ABCB5: variants seen among roughly 807,000 people sequenced by gnomAD.
ABCB5 encodes ATP binding cassette subfamily B member 5.
A neutral mutation model predicts 144.2 loss-of-function variants in ABCB5; 155 were observed. The ratio of observed to expected loss-of-function variants is 1.08; its 90% CI spans 0.94 to 1.23. The LOEUF is 1.23. Ranked by LOEUF, ABCB5 falls within the 50% of genes most tolerant of loss-of-function variation. ABCB5 has a pLI of 0.00. For synonymous variants in ABCB5, 610 were observed against 528.6 expected (o/e 1.15, Z -2.11); for missense variants, 1,830 against 1,520.8 (o/e 1.20, Z -3.38).
chr7:20,638,550 G>T (rs1304905790), intron 5 of ABCB5, among the ~76,000 whole-genome samples: 1 of 152,122 alleles, frequency 6.6e-6, no homozygotes, highest in South Asian at 2.1e-4. Context: ...CTCCTTATCT[G>T]CTTTTCATCT....
chr7:20,642,101 A>C (rs535072387), intron 5 of ABCB5, among the ~76,000 whole-genome samples: 45 of 152,274 alleles, frequency 3.0e-4, no homozygotes, highest in African/African-American at 9.1e-4. Context: ...CTCCACAGAG[A>C]AGCTGGAGTG....
intron 5 of ABCB5, among the ~76,000 whole-genome samples, chr7:20,639,595 A>G (rs1380923368): frequency 6.6e-6 from 1 of 152,168 alleles, no homozygotes; most frequent in Non-Finnish European, 1.5e-5. Context: ...CCATTTGTTG[A>G]AAAAACAGTC....
At chr7:20,740,067 T>C (rs1190503518) in intron 24 of ABCB5, among the ~76,000 whole-genome samples, 1 of 151,928 alleles carries the variant, frequency 6.6e-6, no homozygotes, top group Non-Finnish European at 1.5e-5. Flanking sequence ...CCGTCTCTAC[T>C]AAAAATAAAA....
At chr7:20,633,659 A>G (rs1441816661) in intron 5 of ABCB5, among the ~76,000 whole-genome samples, 2 of 152,140 alleles carry the variant, frequency 1.3e-5, no homozygotes, top group Non-Finnish European at 2.9e-5. Context: ...ATCATGTAAT[A>G]TATTATTGTT....
At chr7:20,641,330 A>T (rs1441973665) in intron 5 of ABCB5, among the ~76,000 whole-genome samples, 1 of 136,356 alleles carries the variant, frequency 7.3e-6, no homozygotes, top group Non-Finnish European at 1.6e-5. Context: ...TCTATTAAAC[A>T]AAGATTATTT....
chr7:20,726,479 G>A (rs2128050855), intron 21 of ABCB5, among the ~76,000 whole-genome samples: 1 of 146,424 alleles, frequency 6.8e-6, no homozygotes, highest in Non-Finnish European at 1.5e-5. Flanking sequence ...TGATTCTCGT[G>A]CCTTAGCTTC....
chr7:20,726,010 C>T (rs2128050699), intron 21 of ABCB5, among the ~76,000 whole-genome samples: 1 of 152,302 alleles, frequency 6.6e-6, no homozygotes, highest in East Asian at 1.9e-4. Context: ...ACAGTCCATT[C>T]TGCCAATCTG....
intron 5 of ABCB5, 147 bp downstream of exon 5, chr7:20,632,260 A>G (rs879373026): frequency 1.6e-5 from 9 of 552,708 alleles, no homozygotes; most frequent in Admixed American, 3.6e-5. Flanking sequence ...TTCATTAGGT[A>G]TATAAAATAC....
chr7:20,745,662 A>G (rs1782696712), intron 26 of ABCB5, among the ~76,000 whole-genome samples: 1 of 152,234 alleles, frequency 6.6e-6, no homozygotes, highest in South Asian at 2.1e-4. Context: ...CACTGGATTA[A>G]CTTTCACATT....
intron 11 of ABCB5, among the ~76,000 whole-genome samples, chr7:20,649,618 G>A (rs1784516957): frequency 6.6e-6 from 1 of 152,134 alleles, no homozygotes; most frequent in South Asian, 2.1e-4. Flanking sequence ...AATATGCTTT[G>A]CAATTATGTT....
intron 20 of ABCB5, among the ~76,000 whole-genome samples, chr7:20,722,318 G>GTTA (rs1781893755): frequency 6.6e-6 from 1 of 152,118 alleles, no homozygotes; most frequent in African/African-American, 2.4e-5. Context: ...AGAAGACAAA[G>GTTA]GAAATCCTGT....
chr7:20,723,004 G>A lies in ABCB5; in HGVS notation c.2422-12G>A, dbSNP rs375003337. The A allele has an allele frequency of 1.2e-6, 2 of 1,613,248 alleles. No homozygotes were observed. Among genetic ancestry groups the A allele is most frequent in the East Asian group, 2.2e-5 (1 of 44,868 alleles). Reference sequence around the variant, plus strand: ...AATTGAGTTTTTTCCCCCAAAATATGTCTGATTATAGGCAACAGGTTCCAG... The same window carrying A: ...AATTGAGTTTTTTCCCCCAAAATATATCTGATTATAGGCAACAGGTTCCAG... On this transcript the variant is annotated splice_polypyrimidine_tract_variant and intron_variant, in intron 20 of 27. Transcript: ENST00000404938.
rs148414991 is a variant in ABCB5, at chr7:20,755,128, T to C, written c.3577-299T>C. Among the ~76,000 whole-genome samples, 1,520 of 152,278 alleles carry C rather than the reference T, an allele frequency of 1.0e-2. 22 individuals carry two copies. Among genetic ancestry groups the C allele is most frequent in the African/African-American group, 0.034 (1,429 of 41,546 alleles). ...CCACACCCAGCTAATTTTGTATTTTTAGTAGAGATGGGATTTCTCCATGTT... is the reference window on the plus strand; with the variant it reads ...CCACACCCAGCTAATTTTGTATTTTCAGTAGAGATGGGATTTCTCCATGTT... On this transcript the variant is annotated intron_variant, in intron 27 of 27. Transcript: ENST00000404938.
chr7:20,679,577 A>G (rs1242756709), intron 14 of ABCB5, among the ~76,000 whole-genome samples: 2 of 152,094 alleles, frequency 1.3e-5, no homozygotes, highest in African/African-American at 4.8e-5. Flanking sequence ...TCTACAGTAT[A>G]TAAACAACTC....
chr7:20,715,741 T>TC (rs1781654797), intron 20 of ABCB5, among the ~76,000 whole-genome samples: 1 of 150,426 alleles, frequency 6.6e-6, no homozygotes, highest in Admixed American at 6.6e-5. Context: ...TTTTTTTTTT[T>TC]GAGACAGTCT....
Position 20,755,849 on chromosome 7 carries a change from C to T in ABCB5, c.*225C>T, listed in dbSNP as rs1783073089. 3 of 469,320 alleles carry T rather than the reference C, an allele frequency of 6.4e-6. No individual in the cohort carries two copies. The highest frequency in any genetic ancestry group is 1.1e-5 in the Non-Finnish European group (3 of 263,912). The allele number at this position is 469,320 out of a possible 1,614,324, so 29.1% of individuals were successfully genotyped here. A position where few individuals can be genotyped will look rare whatever the true frequency, so the allele number is the denominator to read the frequency against. On this transcript the variant is annotated 3_prime_UTR_variant, in exon 28 of 28. Transcript: ENST00000404938. The stretch of plus-strand genomic sequence containing the variant: ...AGTGAAATAATGCTTATATCCTTCA[C>T]TTTATAAAACTATTCTAGCACATTT...
At chr7:20,681,339 C>T (rs1785821617) in intron 14 of ABCB5, among the ~76,000 whole-genome samples, 166 bp from the exon 15 acceptor site, 1 of 152,048 alleles carries the variant, frequency 6.6e-6, no homozygotes, top group African/African-American at 2.4e-5. Flanking sequence ...GTTGGCCAGG[C>T]TGATCTCTAA....
chr7:20,665,302 AT>A (rs1231237446), intron 14 of ABCB5, among the ~76,000 whole-genome samples: 5 of 152,258 alleles, frequency 3.3e-5, no homozygotes, highest in African/African-American at 1.2e-4. Context: ...GCTATTTGTC[AT>A]CCCCCTTGAC....
intron 26 of ABCB5, among the ~76,000 whole-genome samples, chr7:20,748,131 C>T (rs569889614): frequency 3.9e-5 from 6 of 152,202 alleles, no homozygotes; most frequent in South Asian, 2.1e-4. Context: ...CCTGAAGGGA[C>T]GGAAAGGGTT....
Sources: allele counts gnomAD v4.1 joint callset (sites outside exome capture counted in the v4.1 genomes callset), GRCh38; gene constraint gnomAD v4.1.1; transcripts MANE v1.5; gene names NCBI Gene and HGNC (gene_info 2026-07-23, HGNC 2026-07-21).